HECTD2: variants seen among roughly 807,000 people sequenced by gnomAD.
HECTD2 encodes probable E3 ubiquitin-protein ligase HECTD2.
In HECTD2, 35 loss-of-function variants were observed where a neutral mutation model predicts 103.2. That is an observed-to-expected ratio of 0.34 (90% CI 0.26 to 0.45). The LOEUF is 0.45. HECTD2 is among the 20% of genes least tolerant of loss of function. HECTD2 has a pLI of 1.00. For missense variants in HECTD2, 596 were observed against 937.4 expected (o/e 0.64, Z 4.76); for synonymous variants, 281 against 329.9 (o/e 0.85, Z 1.61).
At chr10:91,479,968 T>A (rs80032692) in intron 6 of HECTD2, among the ~76,000 whole-genome samples, 1 of 152,134 alleles carries the variant, frequency 6.6e-6, no homozygotes, top group African/African-American at 2.4e-5. Context: ...CATTTTTTAT[T>A]GCAGATTTGC....
chr10:91,485,171 TC>T lies in HECTD2; in HGVS notation c.971-8del, dbSNP rs1288539749. ...GAAAAAGTCTTTATGTTAGAATTTA[TC>T]TTTACAGATACTGCAAACAATTTAG... On this transcript the variant is annotated splice_region_variant and splice_polypyrimidine_tract_variant and intron_variant, in intron 9 of 20. Coordinates refer to ENST00000298068, the MANE Select transcript of HECTD2 (RefSeq NM_182765.6). The T allele has an allele frequency of 6.6e-7, 1 of 1,515,432 alleles. No homozygotes were observed. The highest frequency in any genetic ancestry group is 1.4e-5 in the African/African-American group (1 of 70,078). The allele number at this position is 1,515,432 out of a possible 1,614,324, so 93.9% of individuals were successfully genotyped here. A position where few individuals can be genotyped will look rare whatever the true frequency, so the allele number is the denominator to read the frequency against.
At chr10:91,431,176 ATTCTT>A (rs1843848187) in intron 2 of HECTD2, among the ~76,000 whole-genome samples, 3 of 151,694 alleles carry the variant, frequency 2.0e-5, no homozygotes, top group Admixed American at 1.3e-4. Flanking sequence ...TGGGTTGAAA[ATTCTT>A]TTCTTTAAGA....
intron 2 of HECTD2, among the ~76,000 whole-genome samples, chr10:91,445,138 T>A (rs1844544572): frequency 6.6e-6 from 1 of 152,180 alleles, no homozygotes; most frequent in Non-Finnish European, 1.5e-5. Flanking sequence ...CAACTCTCGT[T>A]GGAAACTTGG....
At chr10:91,486,495 T>G (rs1417400382) in intron 10 of HECTD2, 1 of 152,162 alleles carries the variant, frequency 6.6e-6, no homozygotes, top group East Asian at 1.9e-4. Flanking sequence ...TGAGTTACAT[T>G]AGGGTTTTAA....
At chr10:91,463,970 A>C (rs930903659) in intron 5 of HECTD2, among the ~76,000 whole-genome samples, 1 of 152,058 alleles carries the variant, frequency 6.6e-6, no homozygotes, top group African/African-American at 2.4e-5. Context: ...TTTTTTTGAC[A>C]TTTTAATTTC....
At chr10:91,476,381 C>G (rs192948280) in intron 5 of HECTD2, among the ~76,000 whole-genome samples, 2 of 152,176 alleles carry the variant, frequency 1.3e-5, no homozygotes, top group African/African-American at 2.4e-5. Context: ...GATCACCACA[C>G]CTGCTCAATC....
chr10:91,460,686 C>G, intron 3 of HECTD2, 121 bp downstream of exon 3: 1 of 846,666 alleles, frequency 1.2e-6, no homozygotes. Flanking sequence ...CCAAGAGGAC[C>G]TCAAAAGACT....
chr10:91,459,797 A>G (rs1845265929), intron 2 of HECTD2, among the ~76,000 whole-genome samples: 1 of 152,150 alleles, frequency 6.6e-6, no homozygotes, highest in South Asian at 2.1e-4. Context: ...TTCTGTATTT[A>G]CATACGTTTA....
chr10:91,410,008 C>T (rs1842845242), upstream of HECTD2, among the ~76,000 whole-genome samples: 1 of 152,212 alleles, frequency 6.6e-6, no homozygotes, highest in African/African-American at 2.4e-5. Flanking sequence ...CCCGACTGCC[C>T]GTCCTTAGTC....
At chr10:91,424,048 T>C (rs962290498) in intron 1 of HECTD2, among the ~76,000 whole-genome samples, 4 of 152,148 alleles carry the variant, frequency 2.6e-5, no homozygotes, top group Admixed American at 6.6e-5. Flanking sequence ...GCTAATGATA[T>C]AGTCTAACAT....
At chr10:91,485,151 A>C in intron 9 of HECTD2, 29 bp from the exon 10 acceptor site, 2 of 1,462,112 alleles carry the variant, frequency 1.4e-6, no homozygotes, top group South Asian at 1.3e-5. Flanking sequence ...TGTTGGAAAA[A>C]GTCTTTATGT....
intron 5 of HECTD2, among the ~76,000 whole-genome samples, chr10:91,470,683 C>T (rs1845691282): frequency 6.6e-6 from 1 of 151,808 alleles, no homozygotes; most frequent in East Asian, 1.9e-4. Flanking sequence ...CAAGAAATAA[C>T]CAAAATCGGA....
At chr10:91,426,780 C>T (rs1197133929) in intron 2 of HECTD2, among the ~76,000 whole-genome samples, 1 of 151,864 alleles carries the variant, frequency 6.6e-6, no homozygotes, top group East Asian at 1.9e-4. Context: ...GAGCTTCCAT[C>T]AATGTGTGCT....
chr10:91,492,562 C>G, intron 13 of HECTD2, 78 bp downstream of exon 13: 1 of 1,093,656 alleles, frequency 9.1e-7, no homozygotes, highest in Non-Finnish European at 1.4e-6. Flanking sequence ...TATTTTTAAC[C>G]TATTCTGTGA....
At chr10:91,427,313 G>A (rs1383197188) in intron 2 of HECTD2, among the ~76,000 whole-genome samples, 1 of 151,818 alleles carries the variant, frequency 6.6e-6, no homozygotes, top group Non-Finnish European at 1.5e-5. Flanking sequence ...GTAAACATAC[G>A]TGTGCATGTG....
chr10:91,460,354 A>T (rs999398993), intron 2 of HECTD2, 73 bp from the exon 3 acceptor site: 2 of 1,201,422 alleles, frequency 1.7e-6, no homozygotes, highest in Middle Eastern at 2.0e-4. Flanking sequence ...GTTCATGTTG[A>T]ATTAATCTTG....
At chr10:91,453,623 A>G (rs1236977308) in intron 2 of HECTD2, among the ~76,000 whole-genome samples, 3 of 152,186 alleles carry the variant, frequency 2.0e-5, no homozygotes, top group Non-Finnish European at 2.9e-5. Context: ...ACCTGCAGAA[A>G]GGCAGGGAAA....
upstream of HECTD2, chr10:91,410,249 G>T (rs1842854345): frequency 6.5e-6 from 1 of 154,072 alleles, no homozygotes; most frequent in Non-Finnish European, 1.4e-5. Context: ...CCGCGGGGCT[G>T]GCGCGCGCGG....
At chr10:91,435,323 A>G (rs752314653) in intron 2 of HECTD2, among the ~76,000 whole-genome samples, 30 of 151,950 alleles carry the variant, frequency 2.0e-4, no homozygotes, top group Middle Eastern at 3.2e-3. Context: ...GATGTCTGTC[A>G]GAAAGACTCC....
Sources: gnomAD v4.1 joint callset for allele counts (sites outside exome capture counted in the v4.1 genomes callset) on GRCh38, gnomAD v4.1.1 for gene constraint, MANE v1.5 for transcripts, NCBI Gene and HGNC (gene_info 2026-07-23, HGNC 2026-07-21) for gene names.